The following SLC29A1 variants were observed in gnomAD, a reference collection of about 807,000 sequenced individuals.
SLC29A1 encodes the protein solute carrier family 29 member 1 (Augustine blood group).
SLC29A1 carries 22 observed loss-of-function variants against 48.3 expected under a neutral mutation model. That is an observed-to-expected ratio of 0.46 (90% CI 0.33 to 0.65). The LOEUF is 0.65. SLC29A1 is among the 30% of genes least tolerant of loss of function. SLC29A1 has a pLI of 0.03. For synonymous variants in SLC29A1, 228 were observed against 231.0 expected (o/e 0.99, Z 0.12); for missense variants, 491 against 575.3 (o/e 0.85, Z 1.50).
chr6:44,232,673 C>A lies in SLC29A1; in HGVS notation c.1060-134C>A. ...CCAGAAGGCTCCACCATGCCCCTTT[C>A]AAGAGTAACCCCCTAAGGAGAACCA... is the stretch of plus-strand genomic sequence containing the variant. On this transcript the variant is annotated intron_variant, in intron 11 of 12. Coordinates refer to ENST00000371755, the MANE Select transcript of SLC29A1 (RefSeq NM_001372327.1). The surrounding 1 kb of genome is among the most constrained non-coding windows in gnomAD (Gnocchi z 4.7). 1 of 821,040 alleles carries A rather than the reference C, an allele frequency of 1.2e-6. No homozygotes were observed. Among genetic ancestry groups the A allele is most frequent in the South Asian group, 1.6e-5 (1 of 64,308 alleles). 50.9% of individuals were successfully genotyped at this position (821,040 alleles called of 1,614,324 possible).
At chr6:44,224,462 C>G (rs1777054462) in intron 1 of SLC29A1, among the ~76,000 whole-genome samples, 1 of 151,960 alleles carries the variant, frequency 6.6e-6, no homozygotes, top group Admixed American at 6.6e-5. Flanking sequence ...ATCAGAGTTC[C>G]CCCCACCTCC....
At chr6:44,227,034 A>T in intron 1 of SLC29A1, 1 of 1,301,008 alleles carries the variant, frequency 7.7e-7, no homozygotes, top group Non-Finnish European at 9.8e-7. Flanking sequence ...CCAGGCCGGG[A>T]GCCAGGTAGA....
At chr6:44,226,115 A>T in intron 1 of SLC29A1, 1 of 985,390 alleles carries the variant, frequency 1.0e-6, no homozygotes, top group Non-Finnish European at 1.2e-6. Flanking sequence ...CCTCCTAGGG[A>T]CTGCCCAGGC....
Position 44,233,447 on chromosome 6 carries a change from A to G in SLC29A1, c.1290A>G (p.Ala430=), listed in dbSNP as rs1779350225. The part of the protein sequence containing the change: ...KKVKPAEAET[A]GAIMAFFLCL... Reference sequence around the variant, plus strand: ...TGAAGCCAGCTGAGGCAGAGACCGCAGGAGCCATCATGGCCTTCTTCCTGT... The same window carrying G: ...TGAAGCCAGCTGAGGCAGAGACCGCGGGAGCCATCATGGCCTTCTTCCTGT... Residue 430 remains alanine, a synonymous_variant, in exon 13 of 13, where the codon GCA becomes GCG. Coordinates refer to ENST00000371755, the MANE Select transcript of SLC29A1 (RefSeq NM_001372327.1). The G allele has an allele frequency of 6.2e-7, 1 of 1,614,026 alleles. No individual in the cohort carries two copies. The highest frequency in any genetic ancestry group is 1.7e-5 in the Admixed American group (1 of 60,000).
In SLC29A1 at chr6:44,229,374, T is replaced by G; in HGVS notation, c.30-16T>G. 1 of 1,605,572 alleles carries G rather than the reference T, an allele frequency of 6.2e-7. No individual in the cohort carries two copies. The highest frequency in any genetic ancestry group is 1.7e-4 in the Middle Eastern group (1 of 6,016). On this transcript the variant is annotated splice_polypyrimidine_tract_variant and intron_variant, in intron 2 of 12. Coordinates refer to ENST00000371755, the MANE Select transcript of SLC29A1 (RefSeq NM_001372327.1). The surrounding 1 kb of genome is among the most constrained non-coding windows in gnomAD (Gnocchi z 5.1). ...GATGGTGCGTCATTTGGCCCATCTT[T>G]CCTCCTCCATTGCAGATACAAAGCT...
chr6:44,220,582 A>G (rs1776242968), upstream of SLC29A1, among the ~76,000 whole-genome samples: 1 of 151,188 alleles, frequency 6.6e-6, no homozygotes, highest in Admixed American at 6.6e-5. Context: ...TGGGAGGCCA[A>G]GGCGGGCGGA....
Position 44,233,842 on chromosome 6 carries a change from G to A in SLC29A1, c.*314G>A, listed in dbSNP as rs960188769. On this transcript the variant is annotated 3_prime_UTR_variant, in exon 13 of 13. Transcript: ENST00000371755. ...GGAGGCTCTTGGGCTTGGAGAACAC[G>A]TGTGTCTCTGTGTATGTGTCTGTGT... 2 of 384,178 alleles carry A rather than the reference G, an allele frequency of 5.2e-6. No individual in the cohort carries two copies. Among genetic ancestry groups the A allele is most frequent in the East Asian group, 5.3e-5 (1 of 18,804 alleles). 23.8% of individuals were successfully genotyped at this position (384,178 alleles called of 1,614,324 possible).
Position 44,232,924 on chromosome 6 carries a change from G to A in SLC29A1, c.1177G>A (p.Asp393Asn), listed in dbSNP as rs1779224677. Reference protein sequence around the residue: ...RRYLTVVFEHDAWFIFFMAAF... With the variant: ...RRYLTVVFEHNAWFIFFMAAF... ...CTACCTGACTGTGGTCTTCGAGCAC[G>A]ATGCCTGGTTCATCTTCTTCATGGC... The change falls in exon 12 of 13, where the codon GAT becomes AAT. Residue 393 changes from aspartate to asparagine, a missense_variant. Asp to Asn is a conservative substitution (Grantham distance 23). Coordinates refer to ENST00000371755, the MANE Select transcript of SLC29A1 (RefSeq NM_001372327.1). This position sits in a 1 kb window ranked among gnomAD's most constrained non-coding sequence, Gnocchi z 4.7. 2 of 1,614,162 alleles carry A rather than the reference G, an allele frequency of 1.2e-6. No homozygotes were observed. Among genetic ancestry groups the A allele is most frequent in the Non-Finnish European group, 8.5e-7 (1 of 1,180,046 alleles).
Position 44,227,275 on chromosome 6 carries a change from G to A in SLC29A1, c.-39G>A. On this transcript the variant is annotated 5_prime_UTR_variant, in exon 2 of 13. Coordinates refer to ENST00000371755, the MANE Select transcript of SLC29A1 (RefSeq NM_001372327.1). ...CTGCCCCCAGCAGGCCCCTGAGGGA[G>A]GGAGCTGTCAGCCAGGGAAAACCGA... 6.2e-7 allele frequency: 1 copy of A among 1,613,882 alleles called. No individual in the cohort carries two copies. The highest frequency in any genetic ancestry group is 1.1e-5 in the South Asian group (1 of 91,048).
chr6:44,222,079 C>T (rs1251189171), upstream of SLC29A1, among the ~76,000 whole-genome samples: 1 of 152,014 alleles, frequency 6.6e-6, no homozygotes, highest in African/African-American at 2.4e-5. Flanking sequence ...GGAAGGGGGC[C>T]AAGGCAGAGG....
chr6:44,232,353 C>T lies in SLC29A1; in HGVS notation c.984C>T (p.Phe328=), dbSNP rs893371753. The change falls in exon 11 of 13, where the codon TTC becomes TTT. Residue 328 remains phenylalanine (F), a synonymous_variant. Transcript: ENST00000371755. The surrounding 1 kb of genome is among the most constrained non-coding windows in gnomAD (Gnocchi z 4.7). ...CATCTCCTCTTCCAGAACGTTACTT[C>T]ATTCCTGTGTCCTGTTTCTTGACTT... ...IAGSSTWERY[F]IPVSCFLTFN... is the part of the protein sequence containing the mutation. 3.1e-6 allele frequency: 5 copies of T among 1,612,412 alleles called. No individual in the cohort carries two copies. The highest frequency in any genetic ancestry group is 1.7e-5 in the Admixed American group (1 of 60,002).
intron 7 of SLC29A1, 42 bp downstream of exon 7, chr6:44,230,707 T>TGGG: frequency 3.6e-5 from 9 of 251,554 alleles, no homozygotes; most frequent in Non-Finnish European, 6.8e-5. Flanking sequence ...TATAGGGGTC[T>TGGG]GGGGTTCCAG....
At chr6:44,228,716 GC>G (rs1778146001) in intron 2 of SLC29A1, among the ~76,000 whole-genome samples, 1 of 152,268 alleles carries the variant, frequency 6.6e-6, no homozygotes, top group African/African-American at 2.4e-5. Context: ...TTGGGGCATT[GC>G]CCTGGCCAAA....
Position 44,223,622 on chromosome 6 carries a change from G to C in SLC29A1, c.-71G>C, listed in dbSNP as rs1209859420. 11 of 1,212,988 alleles carry C rather than the reference G, an allele frequency of 9.1e-6. No homozygotes were observed. Among genetic ancestry groups the C allele is most frequent in the Non-Finnish European group, 1.2e-5 (11 of 950,936 alleles). The allele number at this position is 1,212,988 out of a possible 1,614,324, so 75.1% of individuals were successfully genotyped here. ...CGAGAGCGCGCGGATCTCAGCGCGG[G>C]AGCAGTGCTTCTGCGGCAGGTGCTG... On this transcript the variant is annotated 5_prime_UTR_variant, in exon 1 of 13. Coordinates refer to ENST00000371755, the MANE Select transcript of SLC29A1 (RefSeq NM_001372327.1). The surrounding 1 kb of genome is among the most constrained non-coding windows in gnomAD (Gnocchi z 5.0).
At position 44,229,726 on chromosome 6, in the gene SLC29A1, CATGACCCT is replaced by C; in HGVS notation, c.253_260del (p.Thr85CysfsTer64). The stretch of plus-strand genomic sequence containing the variant: ...CTCTCAGTGCCATCTTCAACAATGT[CATGACCCT>C]ATGTGCCATGCTGCCCCTGCTGTTA... On this transcript the variant is annotated frameshift_variant, in exon 4 of 13. Transcript: ENST00000371755. LOFTEE classifies it high-confidence loss of function. This position sits in a 1 kb window ranked among gnomAD's most constrained non-coding sequence, Gnocchi z 5.1. 2 of 1,613,990 alleles carry C rather than the reference CATGACCCT, an allele frequency of 1.2e-6. No homozygotes were observed. The highest frequency in any genetic ancestry group is 1.7e-6 in the Non-Finnish European group (2 of 1,180,030).
Position 44,230,555 on chromosome 6 carries a change from G to A in SLC29A1, c.590-13G>A, listed in dbSNP as rs1279319592. 1.2e-6 allele frequency: 2 copies of A among 1,613,876 alleles called. No individual in the cohort carries two copies. The highest frequency in any genetic ancestry group is 2.7e-5 in the African/African-American group (2 of 74,934). The stretch of plus-strand genomic sequence containing the variant: ...GGGATGGGGCCTGTCTCTGATCACT[G>A]ACACCACCCCAGGTGGCTCGGAGCT... On this transcript the variant is annotated splice_polypyrimidine_tract_variant and intron_variant, in intron 6 of 12. Coordinates refer to ENST00000371755, the MANE Select transcript of SLC29A1 (RefSeq NM_001372327.1).
chr6:44,222,919 G>A (rs2128337364), upstream of SLC29A1, among the ~76,000 whole-genome samples: 2 of 152,344 alleles, frequency 1.3e-5, no homozygotes, highest in South Asian at 2.1e-4. Flanking sequence ...ACCCCCCTCC[G>A]CGCGCACACG....
upstream of SLC29A1, among the ~76,000 whole-genome samples, chr6:44,220,686 G>T (rs376638810): frequency 6.6e-6 from 1 of 151,150 alleles, no homozygotes; most frequent in African/African-American, 2.4e-5. Flanking sequence ...TTAGCTGGGC[G>T]TGGTGGCACG....
intron 1 of SLC29A1, among the ~76,000 whole-genome samples, chr6:44,224,359 A>T (rs1554136016): frequency 2.0e-5 from 3 of 151,486 alleles, no homozygotes; most frequent in Non-Finnish European, 4.4e-5. Flanking sequence ...TCCCCATGCC[A>T]GGATGTGTGT....
Sources: allele counts gnomAD v4.1 joint callset (sites outside exome capture counted in the v4.1 genomes callset), GRCh38; gene constraint gnomAD v4.1.1; non-coding constraint Gnocchi (gnomAD v3.1); transcripts MANE v1.5; gene names NCBI Gene and HGNC (gene_info 2026-07-23, HGNC 2026-07-21).